The following KIRREL3 variants were observed in gnomAD, a reference collection of about 807,000 sequenced individuals.
The protein encoded by KIRREL3 is kin of IRRE-like protein 3.
KIRREL3 carries 36 observed loss-of-function variants against 89.7 expected under a neutral mutation model. The ratio of observed to expected loss-of-function variants is 0.40; its 90% CI spans 0.31 to 0.53. KIRREL3 has a LOEUF of 0.53. KIRREL3 is among the 20% of genes least tolerant of loss of function. KIRREL3 has a pLI of 0.49. For synonymous variants in KIRREL3, 445 were observed against 441.4 expected, an observed-to-expected ratio of 1.01 and a Z score of -0.10; for missense variants, 864 against 1,056.6, an observed-to-expected ratio of 0.82 and a Z score of 2.53.
At chr11:126,450,295 A>C (rs1955989565) in intron 7 of KIRREL3, among the ~76,000 whole-genome samples, 1 of 143,934 alleles carries the variant, frequency 6.9e-6, no homozygotes, top group African/African-American at 2.6e-5. Context: ...GCGTGTGTGC[A>C]TGTGTGAGTG....
In KIRREL3 at chr11:126,752,725, C is replaced by G. The variant is rs1555188351; in HGVS notation, c.56-189813G>C. ...AATCTAAATTCATGGATTTTCCCAG[C>G]TGTACCCTTGAGCGAGAACTTTCCC... On this transcript the variant is annotated intron_variant, in intron 1 of 16. Transcript: ENST00000525144. This position sits in a 1 kb window ranked among gnomAD's most constrained non-coding sequence, Gnocchi z 4.8. 6.6e-6 allele frequency among the ~76,000 whole-genome samples: 1 copy of G among 152,118 alleles called. No individual in the cohort carries two copies. Among genetic ancestry groups the G allele is most frequent in the Non-Finnish European group, 1.5e-5 (1 of 68,030 alleles).
In KIRREL3 at chr11:126,579,995, G is replaced by A. The variant is rs541364240; in HGVS notation, c.56-17083C>T. ...CGAGTAGCTGGGACTATAGGCGCCCGCCACCATGCCAAGCTAATTTTTTGT... is the reference window on the plus strand; with the variant it reads ...CGAGTAGCTGGGACTATAGGCGCCCACCACCATGCCAAGCTAATTTTTTGT... On this transcript the variant is annotated intron_variant, in intron 1 of 16. Transcript: ENST00000525144. This position sits in a 1 kb window ranked among gnomAD's most constrained non-coding sequence, Gnocchi z 5.3. 1.8e-4 allele frequency among the ~76,000 whole-genome samples: 28 copies of A among 152,072 alleles called. No homozygotes were observed. The highest frequency in any genetic ancestry group is 3.4e-4 in the Non-Finnish European group (23 of 67,978).
chr11:126,835,021 C>T (rs1943732120), intron 1 of KIRREL3, among the ~76,000 whole-genome samples: 1 of 152,242 alleles, frequency 6.6e-6, no homozygotes, highest in Admixed American at 6.5e-5. Flanking sequence ...CACTTCCCTA[C>T]TTTCCAGAAC....
chr11:126,451,258 T>C (rs1404246827), intron 7 of KIRREL3, among the ~76,000 whole-genome samples: 1 of 130,076 alleles, frequency 7.7e-6, no homozygotes. Context: ...CATGTGTGCA[T>C]TGCTTGTGTG....
rs372015514 is a variant in KIRREL3 at position 126,497,183 on chromosome 11, TGA to T, written c.434-23719_434-23718del. Among the ~76,000 whole-genome samples the T allele has an allele frequency of 5.8e-3, 707 of 122,346 alleles. 4 individuals carry two copies. The highest frequency in any genetic ancestry group is 7.7e-3 in the Admixed American group (87 of 11,252). The allele number at this position is 122,346 out of a possible 152,430, so 80.3% of individuals were successfully genotyped here. A position where few individuals can be genotyped will look rare whatever the true frequency, so the allele number is the denominator to read the frequency against. The stretch of plus-strand genomic sequence containing the variant: ...GAGTGTGCATGTGTAAGAGAGTGTG[TGA>T]GAGTGTGAGTGTGTGTGAGTGTGAG... On this transcript the variant is annotated intron_variant, in intron 4 of 16. Coordinates refer to ENST00000525144, the MANE Select transcript of KIRREL3 (RefSeq NM_032531.4).
intron 4 of KIRREL3, among the ~76,000 whole-genome samples, chr11:126,514,714 A>C (rs1217025333): frequency 6.6e-6 from 1 of 152,218 alleles, no homozygotes; most frequent in Non-Finnish European, 1.5e-5. Context: ...GTGGTTAAAT[A>C]ACTTGCTCAC....
At chr11:126,593,869 G>A (rs891660722) in intron 1 of KIRREL3, among the ~76,000 whole-genome samples, 9 of 152,206 alleles carry the variant, frequency 5.9e-5, no homozygotes, top group South Asian at 2.1e-4. Flanking sequence ...CCATTGCACC[G>A]TTGCCATCAC....
rs1405915032 is a variant in KIRREL3, at chr11:126,570,243, T to C, written c.56-7331A>G. Among the ~76,000 whole-genome samples, 1 of 152,206 alleles carries C rather than the reference T, an allele frequency of 6.6e-6. No homozygotes were observed. Among genetic ancestry groups the C allele is most frequent in the Non-Finnish European group, 1.5e-5 (1 of 68,034 alleles). On this transcript the variant is annotated intron_variant, in intron 1 of 16. Coordinates refer to ENST00000525144, the MANE Select transcript of KIRREL3 (RefSeq NM_032531.4). This position sits in a 1 kb window ranked among gnomAD's most constrained non-coding sequence, Gnocchi z 6.1. ...ACGTTGTTGTAAAGACATAATTGCTTCTTCATTGCTTATTTCATATGAGTT... is the reference window on the plus strand; with the variant it reads ...ACGTTGTTGTAAAGACATAATTGCTCCTTCATTGCTTATTTCATATGAGTT...
intron 1 of KIRREL3, among the ~76,000 whole-genome samples, chr11:126,613,871 C>CTTTTTTTTT (rs5795506): frequency 2.0e-4 from 18 of 88,534 alleles, no homozygotes; most frequent in East Asian, 3.6e-4. Context: ...AATACTGTTG[C>CTTTTTTTTT]TTTTTTTTTT....
At chr11:126,874,844 A>G (rs1791892376) in intron 1 of KIRREL3, among the ~76,000 whole-genome samples, 1 of 152,156 alleles carries the variant, frequency 6.6e-6, no homozygotes, top group African/African-American at 2.4e-5. Flanking sequence ...CGTCAGACAC[A>G]GCCTGGTCTG....
intron 1 of KIRREL3, among the ~76,000 whole-genome samples, chr11:126,922,127 CTATCTAT>C (rs1947370266): frequency 8.8e-6 from 1 of 113,148 alleles, no homozygotes; most frequent in African/African-American, 3.2e-5. Flanking sequence ...GTCTGTCTAT[CTATCTAT>C]CTATCTATCT....
At position 126,763,675 on chromosome 11, in the gene KIRREL3, T is replaced by C. The variant is rs1315831266; in HGVS notation, c.56-200763A>G. On this transcript the variant is annotated intron_variant, in intron 1 of 16. Coordinates refer to ENST00000525144, the MANE Select transcript of KIRREL3 (RefSeq NM_032531.4). The surrounding 1 kb of genome is among the most constrained non-coding windows in gnomAD (Gnocchi z 4.7). ...ATCTATCTTCCCCATACTTGCTGCA[T>C]GACCTTCAATGAGTTCCCACGCTTT... Among the ~76,000 whole-genome samples the C allele has an allele frequency of 6.6e-6, 1 of 152,208 alleles. No individual in the cohort carries two copies. Among genetic ancestry groups the C allele is most frequent in the East Asian group, 1.9e-4 (1 of 5,190 alleles).
At chr11:126,758,764 C>T (rs1023341929) in intron 1 of KIRREL3, among the ~76,000 whole-genome samples, 6 of 152,306 alleles carry the variant, frequency 3.9e-5, no homozygotes, top group African/African-American at 7.2e-5. Flanking sequence ...AAATAACTAT[C>T]GCATTTGCAT....
In KIRREL3 at chr11:126,995,477, C is replaced by G. The variant is rs146280329; in HGVS notation, c.55+4978G>C. The G allele has an allele frequency of 2.9e-5, 11 of 374,448 alleles. No individual in the cohort carries two copies. Among genetic ancestry groups the G allele is most frequent in the South Asian group, 2.2e-4 (11 of 49,562 alleles). 23.2% of individuals were successfully genotyped at this position (374,448 alleles called of 1,614,324 possible). On this transcript the variant is annotated intron_variant, in intron 1 of 16. Transcript: ENST00000525144. This position sits in a 1 kb window ranked among gnomAD's most constrained non-coding sequence, Gnocchi z 6.5. ...CACTGTTTTTCACCTAAGGTCATCT[C>G]GACAATTTACAAGGATAAGGATTGT...
intron 4 of KIRREL3, among the ~76,000 whole-genome samples, chr11:126,481,045 C>G (rs1322821381): frequency 2.0e-5 from 3 of 152,196 alleles, no homozygotes; most frequent in African/African-American, 7.2e-5. Flanking sequence ...ACCTACTATA[C>G]GCCAGGCCCT....
chr11:126,816,842 C>A (rs1001760891), intron 1 of KIRREL3, among the ~76,000 whole-genome samples: 1 of 152,138 alleles, frequency 6.6e-6, no homozygotes, highest in Non-Finnish European at 1.5e-5. Flanking sequence ...AGGAAACAAA[C>A]GCAGGGAAGA....
Position 126,627,885 on chromosome 11 carries a change from G to T in KIRREL3, c.56-64973C>A, listed in dbSNP as rs139449360. On this transcript the variant is annotated intron_variant, in intron 1 of 16. Coordinates refer to ENST00000525144, the MANE Select transcript of KIRREL3 (RefSeq NM_032531.4). This position sits in a 1 kb window ranked among gnomAD's most constrained non-coding sequence, Gnocchi z 5.0. ...AGTGAGAGGATAGGTGGGTAGCAGTGTGGGCAGGAAAACAGCCCAGGAGTT... is the reference window on the plus strand; with the variant it reads ...AGTGAGAGGATAGGTGGGTAGCAGTTTGGGCAGGAAAACAGCCCAGGAGTT... Among the ~76,000 whole-genome samples the T allele has an allele frequency of 3.5e-3, 536 of 152,322 alleles. 3 individuals carry two copies. Among genetic ancestry groups the T allele is most frequent in the Middle Eastern group, 6.8e-3 (2 of 294 alleles).
At chr11:126,749,331 A>C (rs1037712341) in intron 1 of KIRREL3, among the ~76,000 whole-genome samples, 1 of 152,074 alleles carries the variant, frequency 6.6e-6, no homozygotes, top group African/African-American at 2.4e-5. Context: ...TCCCTAGAAC[A>C]TTTGTTGGTA....
intron 1 of KIRREL3, among the ~76,000 whole-genome samples, chr11:126,938,479 G>C: frequency 6.6e-6 from 1 of 152,224 alleles, no homozygotes; most frequent in African/African-American, 2.4e-5. Flanking sequence ...GTAGTAAGTG[G>C]TAGGGCCACC....
Sources: allele counts gnomAD v4.1 joint callset (sites outside exome capture counted in the v4.1 genomes callset), GRCh38; gene constraint gnomAD v4.1.1; non-coding constraint Gnocchi (gnomAD v3.1); transcripts MANE v1.5; gene names NCBI Gene and HGNC (gene_info 2026-07-23, HGNC 2026-07-21).